The following SLC22A23 variants were observed in gnomAD, a reference collection of about 807,000 sequenced individuals.
SLC22A23 encodes the protein solute carrier family 22 member 23.
A neutral mutation model predicts 61.0 loss-of-function variants in SLC22A23; 26 were observed. The ratio of observed to expected loss-of-function variants is 0.43; its 90% CI spans 0.31 to 0.59. SLC22A23 has a LOEUF of 0.59. SLC22A23 is among the 20% of genes least tolerant of loss of function. SLC22A23 has a pLI of 0.11. For missense variants in SLC22A23, 796 were observed against 934.7 expected (o/e 0.85, Z 1.94); for synonymous variants, 430 against 413.9 (o/e 1.04, Z -0.47).
chr6:3,425,869 C>T (rs1017879745), intron 1 of SLC22A23, among the ~76,000 whole-genome samples: 2 of 152,114 alleles, frequency 1.3e-5, no homozygotes, highest in African/African-American at 4.8e-5. Context: ...AGGTTCTTTC[C>T]CCCAGTAAAC....
rs781526188 is a variant in SLC22A23 at position 3,280,512 on chromosome 6, T to TTTTTC, written c.1703+3339_1703+3340insGAAAA. Among the ~76,000 whole-genome samples, 405 of 98,334 alleles carry TTTTTC rather than the reference T, an allele frequency of 4.1e-3. 10 individuals are homozygous for TTTTTC. Among genetic ancestry groups the TTTTTC allele is most frequent in the African/African-American group, 0.012 (331 of 28,086 alleles). The allele number at this position is 98,334 out of a possible 152,430, so 64.5% of individuals were successfully genotyped here. On this transcript the variant is annotated intron_variant, in intron 9 of 9. Transcript: ENST00000406686. ...CAACTTTTTTTTTTTTTTTTTTTTT[T>TTTTTC]TGAGATGGAGTCTCGCTCTGTCGCC...
chr6:3,456,700 G>T lies in SLC22A23; in HGVS notation c.-141C>A. On this transcript the variant is annotated 5_prime_UTR_variant, in exon 1 of 10. Transcript: ENST00000406686. This position sits in a 1 kb window ranked among gnomAD's most constrained non-coding sequence, Gnocchi z 7.1. ...GCGGCTCGAGAGAGAGCGCTCGGCG[G>T]CTCCGGGTGCGTCAGGCCGCCCCCA... 1 of 483,454 alleles carries T rather than the reference G, an allele frequency of 2.1e-6. No individual in the cohort carries two copies. Among genetic ancestry groups the T allele is most frequent in the Non-Finnish European group, 2.7e-6 (1 of 373,958 alleles). 29.9% of individuals were successfully genotyped at this position (483,454 alleles called of 1,614,324 possible).
intron 1 of SLC22A23, among the ~76,000 whole-genome samples, chr6:3,445,247 G>A (rs1771835016): frequency 6.6e-6 from 1 of 151,870 alleles, no homozygotes; most frequent in South Asian, 2.1e-4. Flanking sequence ...CCCCCAGGCT[G>A]GAGTGCAATG....
chr6:3,358,296 C>T (rs577089852), intron 3 of SLC22A23, among the ~76,000 whole-genome samples: 10 of 123,040 alleles, frequency 8.1e-5, no homozygotes, highest in Middle Eastern at 3.6e-3. Flanking sequence ...GCAGTGTTAT[C>T]CACAACAGCC....
rs1241948049 is a variant in SLC22A23, at chr6:3,427,771, G to A, written c.655-11916C>T. On this transcript the variant is annotated intron_variant, in intron 1 of 9. Transcript: ENST00000406686. The surrounding 1 kb of genome is among the most constrained non-coding windows in gnomAD (Gnocchi z 4.3). ...GATGGTTCTCAAAAGCTGACAACAC[G>A]ATTACACCCAAGAGTGTGTTTTTAT... Among the ~76,000 whole-genome samples, 2 of 152,104 alleles carry A rather than the reference G, an allele frequency of 1.3e-5. No individual in the cohort carries two copies. The highest frequency in any genetic ancestry group is 4.8e-5 in the African/African-American group (2 of 41,426).
intron 3 of SLC22A23, among the ~76,000 whole-genome samples, chr6:3,384,070 G>A (rs993294772): frequency 6.6e-5 from 10 of 152,160 alleles, no homozygotes; most frequent in African/African-American, 2.4e-4. Context: ...GAACAAAAAC[G>A]GTGCCAGGCC....
chr6:3,279,232 C>T (rs1045006105), intron 9 of SLC22A23, among the ~76,000 whole-genome samples: 2 of 151,496 alleles, frequency 1.3e-5, no homozygotes, highest in African/African-American at 2.4e-5. Context: ...TTGATATGGC[C>T]GGGCATGGTG....
At chr6:3,402,795 A>G (rs1370680767) in intron 3 of SLC22A23, among the ~76,000 whole-genome samples, 2 of 152,246 alleles carry the variant, frequency 1.3e-5, no homozygotes, top group Non-Finnish European at 2.9e-5. Context: ...AGGAGCACGT[A>G]CTTGCCTCTA....
Position 3,297,993 on chromosome 6 carries a change from C to G in SLC22A23, c.1210+98G>C. The G allele has an allele frequency of 7.3e-7, 1 of 1,364,216 alleles. No homozygotes were observed. Among genetic ancestry groups the G allele is most frequent in the Non-Finnish European group, 9.6e-7 (1 of 1,043,008 alleles). 84.5% of individuals were successfully genotyped at this position (1,364,216 alleles called of 1,614,324 possible). On this transcript the variant is annotated intron_variant, in intron 5 of 9. Coordinates refer to ENST00000406686, the MANE Select transcript of SLC22A23 (RefSeq NM_015482.2). This position sits in a 1 kb window ranked among gnomAD's most constrained non-coding sequence, Gnocchi z 4.3. ...AAAAGGTCACAGGAGAATTGCACAG[C>G]TGGTTAAAACAGCTGTTTGTGCAAC...
At chr6:3,407,522 C>T (rs1192723515) in intron 3 of SLC22A23, among the ~76,000 whole-genome samples, 1 of 152,212 alleles carries the variant, frequency 6.6e-6, no homozygotes. Flanking sequence ...TTTTATTCTT[C>T]TCTCAGAAGC....
chr6:3,294,069 C>T (rs575549961), intron 5 of SLC22A23, among the ~76,000 whole-genome samples: 12 of 152,326 alleles, frequency 7.9e-5, no homozygotes, highest in African/African-American at 2.9e-4. Flanking sequence ...CGTCCTTCCC[C>T]TGGGGCTAGC....
At chr6:3,389,144 T>C (rs1314742886) in intron 3 of SLC22A23, among the ~76,000 whole-genome samples, 20 of 151,554 alleles carry the variant, frequency 1.3e-4, no homozygotes, top group Admixed American at 1.3e-3. Flanking sequence ...GGAGCATGCC[T>C]GAGATCCCAG....
At chr6:3,452,458 G>C (rs539145697) in intron 1 of SLC22A23, among the ~76,000 whole-genome samples, 13 of 152,076 alleles carry the variant, frequency 8.5e-5, no homozygotes, top group African/African-American at 3.1e-4. Context: ...AATGAGCCAG[G>C]TGTGGTGGTG....
At chr6:3,273,495 C>T in intron 9 of SLC22A23, 83 bp from the exon 10 acceptor site, 1 of 1,497,982 alleles carries the variant, frequency 6.7e-7, no homozygotes, top group Middle Eastern at 2.3e-4. Flanking sequence ...ACCAGGAAGC[C>T]ACCTCTGCAG....
chr6:3,283,248 C>A (rs1008480695), intron 9 of SLC22A23, among the ~76,000 whole-genome samples: 2 of 152,070 alleles, frequency 1.3e-5, no homozygotes, highest in Admixed American at 1.3e-4. Flanking sequence ...CCTGGCCAAC[C>A]AGGTGAAACC....
At chr6:3,432,505 G>T (rs115369027) in intron 1 of SLC22A23, among the ~76,000 whole-genome samples, 249 of 152,266 alleles carry the variant, frequency 1.6e-3, no homozygotes, top group African/African-American at 5.7e-3. Flanking sequence ...CTAGCTCTCC[G>T]CTTTGGCTCA....
intron 9 of SLC22A23, among the ~76,000 whole-genome samples, chr6:3,275,700 A>G (rs943381992): frequency 1.3e-5 from 2 of 152,152 alleles, no homozygotes; most frequent in African/African-American, 2.4e-5. Context: ...CTCCTGCCTC[A>G]GCCTCCTGAG....
chr6:3,316,090 C>A (rs1163000108), intron 4 of SLC22A23, among the ~76,000 whole-genome samples: 1 of 152,180 alleles, frequency 6.6e-6, no homozygotes, highest in East Asian at 1.9e-4. Flanking sequence ...GGGGCTGGGC[C>A]TGAGATCCGT....
intron 1 of SLC22A23, among the ~76,000 whole-genome samples, chr6:3,417,706 C>T (rs541753200): frequency 1.3e-5 from 2 of 152,304 alleles, no homozygotes; most frequent in South Asian, 4.2e-4. Context: ...GAACTACTGG[C>T]CAACACTGCC....
Sources: allele counts gnomAD v4.1 joint callset (sites outside exome capture counted in the v4.1 genomes callset), GRCh38; gene constraint gnomAD v4.1.1; non-coding constraint Gnocchi (gnomAD v3.1); transcripts MANE v1.5; gene names NCBI Gene and HGNC (gene_info 2026-07-23, HGNC 2026-07-21).